CDH12: variants seen among roughly 807,000 people sequenced by gnomAD.
CDH12 encodes cadherin 12, also known as cadherin-12.
In CDH12, 41 loss-of-function variants were observed where a neutral mutation model predicts 74.1. The ratio of observed to expected loss-of-function variants is 0.55; its 90% confidence interval spans 0.43 to 0.72. The LOEUF is 0.72. Ranked by LOEUF, CDH12 falls within the 30% of genes least tolerant of loss-of-function variation. CDH12 has a pLI of 0.00. For missense variants in CDH12, 945 were observed against 977.2 expected (o/e 0.97, Z 0.44); for synonymous variants, 399 against 355.0 (o/e 1.12, Z -1.39).
chr5:22,411,369 G>A (rs1743162340), intron 2 of CDH12, among the ~76,000 whole-genome samples: 1 of 151,838 alleles, frequency 6.6e-6, no homozygotes, highest in African/African-American at 2.4e-5. Context: ...GAGGTTCCCT[G>A]AAGTCATTTA....
chr5:22,049,213 T>C lies in CDH12; in HGVS notation c.231+29233A>G, dbSNP rs188483769. 9.2e-4 allele frequency among the ~76,000 whole-genome samples: 140 copies of C among 152,188 alleles called. 2 individuals are homozygous for C. The highest frequency in any genetic ancestry group is 8.5e-3 in the Admixed American group (129 of 15,266). ...ATATACATATGCTGGGAATTAGTGG[T>C]CTATATCTATTATCAACACAATTCT... On this transcript the variant is annotated intron_variant, in intron 5 of 14. Coordinates refer to ENST00000382254, the MANE Select transcript of CDH12 (RefSeq NM_004061.5).
intron 1 of CDH12, among the ~76,000 whole-genome samples, chr5:22,531,661 C>A (rs761256793): frequency 3.3e-5 from 5 of 151,748 alleles, no homozygotes; most frequent in Non-Finnish European, 5.9e-5. Flanking sequence ...TATTAGCACA[C>A]CAGAAAAATA....
intron 2 of CDH12, among the ~76,000 whole-genome samples, chr5:22,420,040 ATTTG>A (rs1048922775): frequency 6.6e-6 from 1 of 151,602 alleles, no homozygotes; most frequent in African/African-American, 2.4e-5. Flanking sequence ...TGTGTTGTAA[ATTTG>A]TTTAAGTTAC....
chr5:21,917,773 AATAG>A (rs1372054262), intron 6 of CDH12, among the ~76,000 whole-genome samples: 2 of 152,218 alleles, frequency 1.3e-5, no homozygotes, highest in African/African-American at 4.8e-5. Context: ...ATTTACAGAA[AATAG>A]ATAGTAATGC....
At chr5:22,146,741 G>T (rs1747210712) in intron 4 of CDH12, among the ~76,000 whole-genome samples, 1 of 152,098 alleles carries the variant, frequency 6.6e-6, no homozygotes, top group Non-Finnish European at 1.5e-5. Context: ...GCTTAATATA[G>T]ATGAAGAAAA....
chr5:21,832,031 C>T (rs927933733), intron 8 of CDH12, among the ~76,000 whole-genome samples: 4 of 151,860 alleles, frequency 2.6e-5, no homozygotes, highest in Non-Finnish European at 4.4e-5. Context: ...TTTTTTATAA[C>T]GTTGGTAAGA....
intron 1 of CDH12, among the ~76,000 whole-genome samples, chr5:22,828,429 A>G (rs942779475): frequency 3.3e-5 from 5 of 152,148 alleles, no homozygotes; most frequent in African/African-American, 4.8e-5. Context: ...TCTGCCATTG[A>G]CCATATTCTA....
chr5:22,364,425 A>T (rs1006864658), intron 3 of CDH12, among the ~76,000 whole-genome samples: 1 of 152,198 alleles, frequency 6.6e-6, no homozygotes, highest in Non-Finnish European at 1.5e-5. Flanking sequence ...TATCTCCTGG[A>T]AATTAACTTA....
chr5:22,290,049 T>A (rs143396822), intron 3 of CDH12, among the ~76,000 whole-genome samples: 1 of 152,164 alleles, frequency 6.6e-6, no homozygotes, highest in African/African-American at 2.4e-5. Context: ...CCACAACTGC[T>A]ACATTGAGCC....
intron 3 of CDH12, among the ~76,000 whole-genome samples, chr5:22,280,452 T>A (rs1357208665): frequency 6.6e-6 from 1 of 151,870 alleles, no homozygotes; most frequent in Non-Finnish European, 1.5e-5. Flanking sequence ...TTTGAAAAGA[T>A]CAACAAAATT....
At chr5:22,696,689 C>A (rs1330849046) in intron 1 of CDH12, among the ~76,000 whole-genome samples, 1 of 152,150 alleles carries the variant, frequency 6.6e-6, no homozygotes, top group Non-Finnish European at 1.5e-5. Context: ...TAAGGTGTAG[C>A]TTTCTAGCAG....
intron 1 of CDH12, among the ~76,000 whole-genome samples, chr5:22,564,986 G>A (rs1739223876): frequency 1.3e-5 from 2 of 152,112 alleles, no homozygotes; most frequent in South Asian, 4.2e-4. Flanking sequence ...CACCTGGCTG[G>A]AGTGCAGTGG....
chr5:22,492,794 G>C (rs1393081196), intron 2 of CDH12, among the ~76,000 whole-genome samples: 1 of 152,060 alleles, frequency 6.6e-6, no homozygotes, highest in African/African-American at 2.4e-5. Context: ...CCACACACCT[G>C]TGTGGGAATA....
At chr5:22,806,579 C>T (rs551330718) in intron 1 of CDH12, among the ~76,000 whole-genome samples, 17 of 152,164 alleles carry the variant, frequency 1.1e-4, no homozygotes, top group Admixed American at 4.6e-4. Context: ...TGGTCTCGAT[C>T]TCCTGACCTC....
chr5:22,570,087 G>A (rs528604095), intron 1 of CDH12, among the ~76,000 whole-genome samples: 10 of 151,314 alleles, frequency 6.6e-5, no homozygotes, highest in Admixed American at 1.3e-4. Flanking sequence ...ACCGAGTCTC[G>A]CTGCGATGCC....
chr5:22,548,217 G>C (rs1580754194), intron 1 of CDH12, among the ~76,000 whole-genome samples: 2 of 152,102 alleles, frequency 1.3e-5, no homozygotes, highest in African/African-American at 4.8e-5. Context: ...TCATGTTGAC[G>C]TAGTTGGTCT....
chr5:22,160,932 A>G (rs1311183817), intron 4 of CDH12, among the ~76,000 whole-genome samples: 2 of 152,190 alleles, frequency 1.3e-5, no homozygotes, highest in Admixed American at 6.5e-5. Flanking sequence ...GAAGCAGAAG[A>G]TGATTCATGC....
chr5:22,240,968 G>A (rs946203174), intron 3 of CDH12, among the ~76,000 whole-genome samples: 2 of 152,046 alleles, frequency 1.3e-5, no homozygotes, highest in African/African-American at 4.8e-5. Context: ...GGCAAGGAAG[G>A]AGGAGGAGGA....
chr5:22,522,388 T>C (rs1395347089), intron 1 of CDH12, among the ~76,000 whole-genome samples: 3 of 152,226 alleles, frequency 2.0e-5, no homozygotes, highest in Non-Finnish European at 4.4e-5. Flanking sequence ...TCTAACAGAC[T>C]ACTCAACTGT....
Sources: allele counts gnomAD v4.1 joint callset (sites outside exome capture counted in the v4.1 genomes callset), GRCh38; gene constraint gnomAD v4.1.1; transcripts MANE v1.5; gene names NCBI Gene and HGNC (gene_info 2026-07-23, HGNC 2026-07-21).